Variants in PTK2B observed in about 807,000 individuals in gnomAD.
The protein encoded by PTK2B is protein tyrosine kinase 2 beta.
In PTK2B, 71 loss-of-function variants were observed where a neutral mutation model predicts 142.9. That is an observed-to-expected ratio of 0.50 (90% CI 0.41 to 0.61). PTK2B has a LOEUF of 0.61. PTK2B is among the 20% of genes least tolerant of loss of function. The pLI is 0.00. For missense variants in PTK2B, 1,105 were observed against 1,320.4 expected, an observed-to-expected ratio of 0.84 and a Z score of 2.53; for synonymous variants, 519 against 503.4, an observed-to-expected ratio of 1.03 and a Z score of -0.42.
intron 18 of PTK2B, among the ~76,000 whole-genome samples, chr8:27,438,825 G>A (rs1810966517): frequency 6.6e-6 from 1 of 152,162 alleles, no homozygotes; most frequent in Non-Finnish European, 1.5e-5. Context: ...GGTGCAGAGG[G>A]GCCAGCTGGG....
intron 5 of PTK2B, among the ~76,000 whole-genome samples, chr8:27,428,995 C>T (rs1460469731): frequency 6.6e-6 from 1 of 152,176 alleles, no homozygotes; most frequent in Non-Finnish European, 1.5e-5. Flanking sequence ...TCTCGGCTCA[C>T]TGCAACCTCC....
chr8:27,413,842 A>G (rs544543078), intron 2 of PTK2B, among the ~76,000 whole-genome samples: 1 of 152,260 alleles, frequency 6.6e-6, no homozygotes, highest in African/African-American at 2.4e-5. Context: ...TTTGTTGCCA[A>G]ATGGTGACTT....
chr8:27,365,308 C>G (rs1381324866), intron 1 of PTK2B, among the ~76,000 whole-genome samples: 1 of 152,216 alleles, frequency 6.6e-6, no homozygotes. Flanking sequence ...GTCTGCCAAC[C>G]TGGTGGGTAC....
At chr8:27,366,325 T>G (rs1185676615) in intron 1 of PTK2B, among the ~76,000 whole-genome samples, 5 of 152,140 alleles carry the variant, frequency 3.3e-5, no homozygotes, top group Non-Finnish European at 5.9e-5. Context: ...TTTGGACTAA[T>G]CCCCCCAGTT....
At chr8:27,359,365 C>G (rs1271968861) in intron 1 of PTK2B, among the ~76,000 whole-genome samples, 4 of 152,242 alleles carry the variant, frequency 2.6e-5, no homozygotes, top group Admixed American at 2.6e-4. Flanking sequence ...ATCTGCCTGC[C>G]TCAGCCTCCC....
chr8:27,344,363 C>T (rs1283898649), intron 1 of PTK2B, among the ~76,000 whole-genome samples: 1 of 152,234 alleles, frequency 6.6e-6, no homozygotes. Context: ...GGTGTGGCCC[C>T]TCTACTTCCC....
intron 1 of PTK2B, among the ~76,000 whole-genome samples, chr8:27,352,133 C>A (rs1187783004): frequency 6.6e-6 from 1 of 152,196 alleles, no homozygotes; most frequent in Non-Finnish European, 1.5e-5. Flanking sequence ...GACCAAACAC[C>A]CTTCTGCTCT....
At chr8:27,312,682 G>A (rs1373119225) in intron 2 of PTK2B, among the ~76,000 whole-genome samples, 1 of 152,164 alleles carries the variant, frequency 6.6e-6, no homozygotes, top group Admixed American at 6.5e-5. Context: ...CCCAAGGATA[G>A]CCATAGAAAT....
intron 22 of PTK2B, among the ~76,000 whole-genome samples, chr8:27,443,701 G>T (rs1423224114): frequency 6.6e-6 from 1 of 152,116 alleles, no homozygotes; most frequent in East Asian, 1.9e-4. Flanking sequence ...GGGGGTTCAG[G>T]CTTCAACATG....
chr8:27,432,462 C>A, intron 10 of PTK2B, 101 bp downstream of exon 10: 1 of 1,054,354 alleles, frequency 9.5e-7, no homozygotes, highest in Non-Finnish European at 1.4e-6. Flanking sequence ...ACACAGGAAG[C>A]CAGGAGCTTC....
At chr8:27,453,876 C>CA (rs2132514266) in intron 28 of PTK2B, among the ~76,000 whole-genome samples, 1 of 152,172 alleles carries the variant, frequency 6.6e-6, no homozygotes, top group South Asian at 2.1e-4. Flanking sequence ...CCTGTCTCTT[C>CA]AAAGAAAAAA....
intron 1 of PTK2B, among the ~76,000 whole-genome samples, chr8:27,342,819 AT>A (rs1563203577): frequency 6.6e-6 from 1 of 152,116 alleles, no homozygotes; most frequent in East Asian, 1.9e-4. Context: ...TGGCTCCTTT[AT>A]CCCCCCTCAG....
At chr8:27,365,899 A>G (rs1405594232) in intron 1 of PTK2B, among the ~76,000 whole-genome samples, 2 of 152,188 alleles carry the variant, frequency 1.3e-5, no homozygotes, top group Non-Finnish European at 1.5e-5. Context: ...GAAATGAACC[A>G]ATTAAGGACT....
intron 1 of PTK2B, among the ~76,000 whole-genome samples, chr8:27,328,177 G>A (rs1043654066): frequency 6.6e-6 from 1 of 152,212 alleles, no homozygotes; most frequent in Non-Finnish European, 1.5e-5. Flanking sequence ...TGGGCAGAGA[G>A]TGACTCAAAG....
chr8:27,447,967 A>C (rs1013213486), intron 24 of PTK2B, among the ~76,000 whole-genome samples: 2 of 152,254 alleles, frequency 1.3e-5, no homozygotes, highest in Non-Finnish European at 2.9e-5. Context: ...GCTGCTTTCA[A>C]AGCGCTTACA....
In PTK2B at chr8:27,446,048, C is replaced by T. The variant is rs952113937; in HGVS notation, c.2340+129C>T. 5 of 1,364,828 alleles carry T rather than the reference C, an allele frequency of 3.7e-6. No individual in the cohort carries two copies. In the African/African-American group the frequency reaches 5.8e-5, roughly 16 times the overall value. 84.5% of individuals were successfully genotyped at this position (1,364,828 alleles called of 1,614,324 possible). On this transcript the variant is annotated intron_variant, in intron 24 of 30. Coordinates refer to ENST00000346049, the MANE Select transcript of PTK2B (RefSeq NM_173176.3). ...TTCCTGTTCCCATGCACCAGTCAGG[C>T]CACTGAGGTGGCACTCTGTGACTTC...
chr8:27,311,419 G>A (rs916710159), upstream of PTK2B: 1 of 739,320 alleles, frequency 1.4e-6, no homozygotes. Context: ...GGCGCTCGGA[G>A]GAGCCCCACC....
At chr8:27,416,681 C>T (rs535906898) in intron 2 of PTK2B, among the ~76,000 whole-genome samples, 1 of 152,288 alleles carries the variant, frequency 6.6e-6, no homozygotes, top group Non-Finnish European at 1.5e-5. Flanking sequence ...GGGCACACTA[C>T]AGACCTGGAG....
intron 4 of PTK2B, among the ~76,000 whole-genome samples, chr8:27,421,304 ATTTATTTATTTATTTATTTATTTC>A (rs1272784906): frequency 1.2e-5 from 1 of 80,612 alleles, no homozygotes; most frequent in Non-Finnish European, 3.2e-5. Context: ...TTATTTATTT[ATTTATTTATTTATTTATTTATTTC>A]AATGGGTTTT....
Sources: gnomAD v4.1 joint callset for allele counts (sites outside exome capture counted in the v4.1 genomes callset) on GRCh38, gnomAD v4.1.1 for gene constraint, MANE v1.5 for transcripts, NCBI Gene and HGNC (gene_info 2026-07-23, HGNC 2026-07-21) for gene names.